The following MIA3 variants were observed in gnomAD, a reference collection of about 807,000 sequenced individuals.
MIA3 encodes the protein transport and Golgi organization protein 1 homolog.
In MIA3, 90 loss-of-function variants were observed where a neutral mutation model predicts 192.4. The ratio of observed to expected loss-of-function variants is 0.47; its 90% CI spans 0.39 to 0.56. The LOEUF (loss-of-function observed/expected upper bound fraction) is 0.56. Ranked by LOEUF, MIA3 falls within the 20% of genes least tolerant of loss-of-function variation. MIA3 has a pLI of 0.00. For missense variants in MIA3, 2,123 were observed against 2,269.4 expected, an observed-to-expected ratio of 0.94 and a Z score of 1.31; for synonymous variants, 740 against 792.8, an observed-to-expected ratio of 0.93 and a Z score of 1.12.
At chr1:222,639,585 T>C (rs1378753919) in intron 6 of MIA3, among the ~76,000 whole-genome samples, 3 of 152,166 alleles carry the variant, frequency 2.0e-5, no homozygotes, top group Admixed American at 2.0e-4. Flanking sequence ...TTGTTTAACA[T>C]TTGAAAATCA....
Position 222,659,497 on chromosome 1 carries a change from G to C in MIA3, c.4754G>C (p.Arg1585Pro). The change falls in exon 20 of 28, where the codon CGG (arginine) becomes CCG (proline). Residue 1585 changes from arginine to proline, a missense_variant. Arg to Pro is a moderately radical substitution (Grantham distance 103). Around this residue, in one of 3 missense-constraint regions of MIA3, gnomAD observed 762 missense variants for 856.4 expected, o/e 0.89. Transcript: ENST00000344922. ...EMEDELQKTE[R>P]SFKNQIATHE... Reference sequence around the variant, plus strand: ...GAGGATGAATTACAGAAGACAGAGCGGTCATTTAAAAACCAGGTAATAATT... The same window carrying C: ...GAGGATGAATTACAGAAGACAGAGCCGTCATTTAAAAACCAGGTAATAATT... 1 of 1,613,780 alleles carries C rather than the reference G, an allele frequency of 6.2e-7. No homozygotes were observed. The highest frequency in any genetic ancestry group is 1.1e-5 in the South Asian group (1 of 91,070).
rs1350364199 is a variant in MIA3 at position 222,621,244 on chromosome 1, T to C, written c.219T>C (p.Tyr73=). The change falls in exon 2 of 28, where the codon TAT becomes TAC. Residue 73 remains tyrosine (Y), a synonymous_variant. Coordinates refer to ENST00000344922, the MANE Select transcript of MIA3 (RefSeq NM_198551.4). Reference sequence around the variant, plus strand: ...ATTTTAAAAAAGGTGATCCTGTATATGTTTACTATAAACTGGCAAGAGGAT... The same window carrying C: ...ATTTTAAAAAAGGTGATCCTGTATACGTTTACTATAAACTGGCAAGAGGAT... The part of the protein sequence containing the change: ...FVNFKKGDPV[Y]VYYKLARGWP... 2 of 1,613,608 alleles carry C rather than the reference T, an allele frequency of 1.2e-6. No homozygotes were observed. The highest frequency in any genetic ancestry group is 1.7e-5 in the Admixed American group (1 of 59,912).
At chr1:222,625,774 C>T (rs977222223) in intron 3 of MIA3, among the ~76,000 whole-genome samples, 1 of 151,992 alleles carries the variant, frequency 6.6e-6, no homozygotes, top group Non-Finnish European at 1.5e-5. Flanking sequence ...TCTCTCTCTG[C>T]CGCCCAGGCT....
At chr1:222,645,270 G>C (rs2124888667) in intron 6 of MIA3, among the ~76,000 whole-genome samples, 1 of 152,324 alleles carries the variant, frequency 6.6e-6, no homozygotes, top group East Asian at 1.9e-4. Flanking sequence ...TTCCAGCCAT[G>C]TTTTAGATAA....
At chr1:222,618,894 T>G (rs1359721323) in intron 1 of MIA3, among the ~76,000 whole-genome samples, 2 of 152,150 alleles carry the variant, frequency 1.3e-5, no homozygotes, top group Non-Finnish European at 2.9e-5. Flanking sequence ...GTCCAAGCAC[T>G]CATTGTATTC....
At chr1:222,627,478 A>G in intron 3 of MIA3, 97 bp from the exon 4 acceptor site, 1 of 1,096,802 alleles carries the variant, frequency 9.1e-7, no homozygotes, top group Non-Finnish European at 1.3e-6. Context: ...CTAGAGCCAA[A>G]CGTGAATTCG....
At chr1:222,639,617 A>C (rs573374579) in intron 6 of MIA3, among the ~76,000 whole-genome samples, 1 of 152,208 alleles carries the variant, frequency 6.6e-6, no homozygotes, top group East Asian at 1.9e-4. Context: ...CATAATGACA[A>C]ACTTTAAAAA....
intron 6 of MIA3, among the ~76,000 whole-genome samples, chr1:222,638,209 A>C (rs908267365): frequency 6.6e-6 from 1 of 152,212 alleles, no homozygotes; most frequent in Non-Finnish European, 1.5e-5. Context: ...CTATATTATC[A>C]GCCATAAAAC....
At chr1:222,646,699 A>C (rs1278219050) in intron 7 of MIA3, among the ~76,000 whole-genome samples, 2 of 152,202 alleles carry the variant, frequency 1.3e-5, no homozygotes, top group East Asian at 3.8e-4. Context: ...ATGCCACTGC[A>C]CTCCAGCCTA....
rs779499587 is a variant in MIA3 at position 222,653,098 on chromosome 1, G to A, written c.4177G>A (p.Val1393Ile). 10 of 1,611,646 alleles carry A rather than the reference G, an allele frequency of 6.2e-6. No individual in the cohort carries two copies. The highest frequency in any genetic ancestry group is 3.3e-5 in the Admixed American group (2 of 59,948). Reference protein sequence around the residue: ...SFEKSQKDLEVALTHKDDNIN... With the variant: ...SFEKSQKDLEIALTHKDDNIN... ...TGAGAAGTCTCAGAAAGATTTGGAA[G>A]TAGCTCTTACTCACAAGGATGATAA... Residue 1393 changes from valine (V) to isoleucine (I), a missense_variant, in exon 14 of 28, where the codon GTA (valine) becomes ATA (isoleucine). Coordinates refer to ENST00000344922, the MANE Select transcript of MIA3 (RefSeq NM_198551.4).
chr1:222,648,597 A>G (rs1487117192), intron 7 of MIA3, among the ~76,000 whole-genome samples: 1 of 152,234 alleles, frequency 6.6e-6, no homozygotes, highest in Non-Finnish European at 1.5e-5. Flanking sequence ...AGCTGTGCAA[A>G]GTAAGATATT....
intron 8 of MIA3, 58 bp from the exon 9 acceptor site, chr1:222,650,233 TG>T: frequency 1.1e-6 from 1 of 919,728 alleles, no homozygotes; most frequent in Non-Finnish European, 1.8e-6. Context: ...GCTGATACAT[TG>T]GGTAATTCAA....
At chr1:222,638,195 T>C (rs1223654266) in intron 6 of MIA3, among the ~76,000 whole-genome samples, 1 of 152,122 alleles carries the variant, frequency 6.6e-6, no homozygotes, top group African/African-American at 2.4e-5. Context: ...TTTACCAAAA[T>C]AAACTATATT....
chr1:222,627,678 A>G lies in MIA3; in HGVS notation c.458A>G (p.Asp153Gly), dbSNP rs750580847. The change falls in exon 4 of 28, where the codon GAT (aspartate) becomes GGT (glycine). Residue 153 changes from aspartate to glycine, a missense_variant. Asp to Gly is a moderately conservative substitution (Grantham distance 94). Coordinates refer to ENST00000344922, the MANE Select transcript of MIA3 (RefSeq NM_198551.4). ...FLELYNSAAT[D>G]SEKAVEKTLQ... Reference sequence around the variant, plus strand: ...GAACTGTACAATTCTGCAGCTACAGATTCTGAGAAAGCTGTAGAAAAAACT... The same window carrying G: ...GAACTGTACAATTCTGCAGCTACAGGTTCTGAGAAAGCTGTAGAAAAAACT... 6.2e-7 allele frequency: 1 copy of G among 1,613,296 alleles called. No homozygotes were observed. Among genetic ancestry groups the G allele is most frequent in the Non-Finnish European group, 8.5e-7 (1 of 1,179,628 alleles).
At chr1:222,658,982 C>A in intron 19 of MIA3, 159 bp downstream of exon 19, 10 of 539,570 alleles carry the variant, frequency 1.9e-5, no homozygotes, top group Non-Finnish European at 2.3e-5. Context: ...AAAATATTAA[C>A]AAATACCCAG....
chr1:222,646,683 C>T (rs1663164636), intron 7 of MIA3, among the ~76,000 whole-genome samples: 1 of 151,154 alleles, frequency 6.6e-6, no homozygotes, highest in Non-Finnish European at 1.5e-5. Flanking sequence ...ACTGGGGAAG[C>T]AGATCATGCC....
rs1015943251 is a variant in MIA3, at chr1:222,665,690, T to C, written c.*71T>C. ...TTATCCATTACAGTAAAGGATTTCA[T>C]TGGCTTCAAAATCCAAAAGTTTATT... On this transcript the variant is annotated 3_prime_UTR_variant, in exon 28 of 28. Transcript: ENST00000344922. 10 of 1,282,068 alleles carry C rather than the reference T, an allele frequency of 7.8e-6. No individual in the cohort carries two copies. In the African/African-American group the frequency reaches 1.2e-4, roughly 16 times the overall value. The allele number at this position is 1,282,068 out of a possible 1,614,324, so 79.4% of individuals were successfully genotyped here.
At chr1:222,657,046 T>C (rs898379786) in intron 18 of MIA3, among the ~76,000 whole-genome samples, 2 of 152,222 alleles carry the variant, frequency 1.3e-5, no homozygotes, top group African/African-American at 4.8e-5. Flanking sequence ...TCTTGTCTTG[T>C]GGAATGTCTG....
At chr1:222,619,426 G>A (rs1284587249) in intron 1 of MIA3, among the ~76,000 whole-genome samples, 2 of 152,154 alleles carry the variant, frequency 1.3e-5, no homozygotes, top group Non-Finnish European at 2.9e-5. Flanking sequence ...TATCAAAACC[G>A]AATTTCATAA....
Sources: gnomAD v4.1 joint callset for allele counts (sites outside exome capture counted in the v4.1 genomes callset) on GRCh38, gnomAD v4.1.1 for gene constraint, gnomAD v4.1.1 regional missense constraint, MANE v1.5 for transcripts, NCBI Gene and HGNC (gene_info 2026-07-23, HGNC 2026-07-21) for gene names.